Variants in NAALADL2 observed in about 807,000 individuals in gnomAD.
NAALADL2 encodes inactive N-acetylated-alpha-linked acidic dipeptidase-like protein 2.
Under a neutral mutation model 87.2 loss-of-function variants are expected in NAALADL2, and 76 were observed. That is an observed-to-expected ratio of 0.87 (90% CI 0.72 to 1.05). The LOEUF (loss-of-function observed/expected upper bound fraction) is 1.05, where lower values mean the gene tolerates loss of function less well. NAALADL2 is among the 50% of genes least tolerant of loss of function. The pLI is 0.00. For missense variants in NAALADL2, 1,089 were observed against 945.8 expected, an observed-to-expected ratio of 1.15 and a Z score of -1.99; for synonymous variants, 354 against 331.0, an observed-to-expected ratio of 1.07 and a Z score of -0.75.
At chr3:174,452,267 C>T (rs953374853) in intron 1 of NAALADL2, among the ~76,000 whole-genome samples, 26 of 152,124 alleles carry the variant, frequency 1.7e-4, no homozygotes, top group African/African-American at 5.8e-4. Context: ...TTGTCTTGCA[C>T]CTCATCTCTT....
intron 2 of NAALADL2, among the ~76,000 whole-genome samples, chr3:174,620,492 A>C (rs1355760463): frequency 6.6e-6 from 1 of 151,934 alleles, no homozygotes; most frequent in Admixed American, 6.6e-5. Context: ...ATACTTGTGG[A>C]ATTGTTTAGA....
chr3:174,442,341 A>T (rs1320407153), intron 1 of NAALADL2, among the ~76,000 whole-genome samples: 3 of 151,206 alleles, frequency 2.0e-5, no homozygotes, highest in Non-Finnish European at 2.9e-5. Context: ...TTCTTAATGG[A>T]AAGGGGAATT....
chr3:174,632,018 T>G (rs952010704), intron 2 of NAALADL2: 2 of 152,198 alleles, frequency 1.3e-5, no homozygotes, highest in African/African-American at 4.8e-5. Flanking sequence ...ATTCCCTTTC[T>G]GTAACTTCTA....
chr3:175,581,863 C>T (rs1719834300), intron 10 of NAALADL2, among the ~76,000 whole-genome samples: 1 of 152,142 alleles, frequency 6.6e-6, no homozygotes, highest in African/African-American at 2.4e-5. Context: ...TAATGTCTGA[C>T]AAGGCATTCA....
chr3:174,712,049 A>G (rs1356128468), intron 2 of NAALADL2, among the ~76,000 whole-genome samples: 1 of 152,006 alleles, frequency 6.6e-6, no homozygotes, highest in Non-Finnish European at 1.5e-5. Flanking sequence ...GGCCTCCCAA[A>G]GTGCTGGGAT....
chr3:174,825,353 A>G (rs1721865406), intron 3 of NAALADL2, among the ~76,000 whole-genome samples: 1 of 152,214 alleles, frequency 6.6e-6, no homozygotes, highest in African/African-American at 2.4e-5. Flanking sequence ...CCTGGAGTCC[A>G]AAGACCCAAG....
chr3:175,138,660 C>A (rs1249059952), intron 2 of NAALADL2, among the ~76,000 whole-genome samples: 1 of 148,668 alleles, frequency 6.7e-6, no homozygotes, highest in African/African-American at 2.5e-5. Flanking sequence ...TGGTATCTCT[C>A]TATCTTATTC....
intron 11 of NAALADL2, among the ~76,000 whole-genome samples, chr3:175,653,275 CT>C (rs1731031438): frequency 6.6e-6 from 1 of 151,976 alleles, no homozygotes; most frequent in Non-Finnish European, 1.5e-5. Flanking sequence ...TAATTTCTGA[CT>C]TTTTTGCTAA....
At chr3:174,854,834 T>TC (rs1725670737), upstream of NAALADL2, among the ~76,000 whole-genome samples, 1 of 140,364 alleles carries the variant, frequency 7.1e-6, no homozygotes, top group East Asian at 2.2e-4. Flanking sequence ...TGCTTTTTTT[T>TC]CTTTTTTTTT....
intron 1 of NAALADL2, chr3:175,079,394 T>C (rs17355485): frequency 0.28 from 42,012 of 152,136 alleles, 5,856 homozygotes; most frequent in Non-Finnish European, 0.3. Context: ...ACTTTCTTGA[T>C]TATGTTCTCT....
intron 5 of NAALADL2, among the ~76,000 whole-genome samples, chr3:175,434,138 T>C (rs1581866671): frequency 6.6e-6 from 1 of 152,080 alleles, no homozygotes; most frequent in South Asian, 2.1e-4. Context: ...ATTTCAAACA[T>C]GAGGGGCATT....
intron 4 of NAALADL2, among the ~76,000 whole-genome samples, chr3:175,276,158 T>C (rs1487120303): frequency 6.6e-6 from 1 of 151,268 alleles, no homozygotes; most frequent in Non-Finnish European, 1.5e-5. Flanking sequence ...AAAATTATGA[T>C]AAAGTACTTT....
At chr3:175,546,642 G>A (rs1489213769) in intron 9 of NAALADL2, among the ~76,000 whole-genome samples, 3 of 152,018 alleles carry the variant, frequency 2.0e-5, no homozygotes, top group African/African-American at 7.2e-5. Context: ...CTTTGCTTAT[G>A]AAGCTTAGTT....
chr3:174,674,869 A>T (rs769589637), intron 2 of NAALADL2, among the ~76,000 whole-genome samples: 10 of 152,086 alleles, frequency 6.6e-5, no homozygotes, highest in Non-Finnish European at 1.3e-4. Context: ...TAAACCAGTC[A>T]AACCATTTGT....
intron 12 of NAALADL2, among the ~76,000 whole-genome samples, chr3:175,745,250 A>C (rs951826120): frequency 8.5e-5 from 13 of 152,206 alleles, no homozygotes; most frequent in African/African-American, 3.1e-4. Flanking sequence ...CTTGGCTCTT[A>C]ATATTTGGTC....
chr3:174,777,791 C>T (rs955404997), intron 3 of NAALADL2, among the ~76,000 whole-genome samples: 3 of 152,112 alleles, frequency 2.0e-5, no homozygotes, highest in Non-Finnish European at 2.9e-5. Flanking sequence ...ACTGTTTCTA[C>T]TGAACCTCTC....
intron 1 of NAALADL2, among the ~76,000 whole-genome samples, chr3:174,521,598 A>G (rs1260382155): frequency 7.3e-6 from 1 of 137,532 alleles, no homozygotes; most frequent in Non-Finnish European, 1.6e-5. Flanking sequence ...AAAAAAAAAG[A>G]AAAGAAAAGA....
intron 2 of NAALADL2, among the ~76,000 whole-genome samples, chr3:175,148,715 C>A (rs1291294621): frequency 6.6e-6 from 1 of 152,076 alleles, no homozygotes; most frequent in African/African-American, 2.4e-5. Flanking sequence ...TTCCCCATTG[C>A]TTATTTTATT....
At chr3:175,364,713 T>A (rs1264169543) in intron 5 of NAALADL2, among the ~76,000 whole-genome samples, 1 of 147,616 alleles carries the variant, frequency 6.8e-6, no homozygotes, top group Non-Finnish European at 1.5e-5. Context: ...GAGACCCTTT[T>A]TTTTGAGTCA....
Sources: allele counts gnomAD v4.1 joint callset (sites outside exome capture counted in the v4.1 genomes callset), GRCh38; gene constraint gnomAD v4.1.1; transcripts MANE v1.5; gene names NCBI Gene and HGNC (gene_info 2026-07-23, HGNC 2026-07-21).